Variants in TOX4 observed in about 807,000 individuals in gnomAD.
The protein encoded by TOX4 is epidermal Langerhans cell protein LCP1.
TOX4 carries 12 observed loss-of-function variants against 61.0 expected under a neutral mutation model. That is an observed-to-expected ratio of 0.20 (90% confidence interval 0.13 to 0.32). The LOEUF is 0.32. Among genes scored for constraint, TOX4 ranks in the 10% least tolerant of loss-of-function variants. The probability of loss-of-function intolerance (pLI) is 1.00; values close to 1 mark genes in which losing one functional copy is unlikely to be tolerated. For missense variants in TOX4, 499 were observed against 753.3 expected (o/e 0.66, Z 3.95); for synonymous variants, 268 against 274.8 (o/e 0.98, Z 0.24).
chr14:21,489,752 T>C (rs1375325659), intron 5 of TOX4, among the ~76,000 whole-genome samples: 1 of 152,008 alleles, frequency 6.6e-6, no homozygotes, highest in Non-Finnish European at 1.5e-5. Flanking sequence ...TAATTTTGTT[T>C]TTGTATTTTT....
chr14:21,489,049 AATGTCTTTTAATGCTATTTCT>A (rs1298725180), intron 4 of TOX4, 103 bp from the exon 5 acceptor site: 1 of 1,230,912 alleles, frequency 8.1e-7, no homozygotes, highest in Non-Finnish European at 1.1e-6. Flanking sequence ...ATATTTGACT[AATGTCTTTTAATGCTATTTCT>A]ATGATTTTTA....
chr14:21,480,103 T>C (rs1891082654), intron 2 of TOX4, among the ~76,000 whole-genome samples: 1 of 152,108 alleles, frequency 6.6e-6, no homozygotes, highest in Admixed American at 6.6e-5. Context: ...AAAGTACTAG[T>C]ATTGTAGGTG....
Position 21,492,214 on chromosome 14 carries a change from A to G in TOX4, c.811-82A>G, listed in dbSNP as rs977158942. On this transcript the variant is annotated intron_variant, in intron 5 of 8. Coordinates refer to ENST00000448790, the MANE Select transcript of TOX4 (RefSeq NM_014828.4). Reference sequence around the variant, plus strand: ...ATTAGACTAAGATGAATTGTCATTCATTGATAAATAATACAGAACTATCAG... The same window carrying G: ...ATTAGACTAAGATGAATTGTCATTCGTTGATAAATAATACAGAACTATCAG... The G allele has an allele frequency of 1.6e-4, 211 of 1,291,934 alleles. 1 individual carries two copies. Among genetic ancestry groups the G allele is most frequent in the Non-Finnish European group, 2.1e-4 (192 of 918,574 alleles). 80.0% of individuals were successfully genotyped at this position (1,291,934 alleles called of 1,614,324 possible).
At position 21,484,601 on chromosome 14, in the gene TOX4, C is replaced by T. The variant is rs1268466251; in HGVS notation, c.76-2850C>T. Among the ~76,000 whole-genome samples, 6 of 102,576 alleles carry T rather than the reference C, an allele frequency of 5.8e-5. 3 individuals are homozygous for T. Among genetic ancestry groups the T allele is most frequent in the Non-Finnish European group, 1.3e-4 (6 of 47,152 alleles). The allele number at this position is 102,576 out of a possible 152,430, so 67.3% of individuals were successfully genotyped here. A position where few individuals can be genotyped will look rare whatever the true frequency, so the allele number is the denominator to read the frequency against. ...TTGACCTCAGGTGGTCCACCCACCTCGGCCTCCCAAAGTGCTGAGATTATA... is the reference window on the plus strand; with the variant it reads ...TTGACCTCAGGTGGTCCACCCACCTTGGCCTCCCAAAGTGCTGAGATTATA... On this transcript the variant is annotated intron_variant, in intron 2 of 8. Transcript: ENST00000448790.
chr14:21,498,553 T>C lies in TOX4; in HGVS notation c.*1947T>C. 2 of 624,228 alleles carry C rather than the reference T, an allele frequency of 3.2e-6. No individual in the cohort carries two copies. Among genetic ancestry groups the C allele is most frequent in the South Asian group, 4.2e-5 (2 of 48,110 alleles). The allele number at this position is 624,228 out of a possible 1,614,324, so 38.7% of individuals were successfully genotyped here. Reference sequence around the variant, plus strand: ...AGTTCAGAATTGGCATAGATTCTGGTGTTAAAATAGACTGGATCTGTATTA... The same window carrying C: ...AGTTCAGAATTGGCATAGATTCTGGCGTTAAAATAGACTGGATCTGTATTA... On this transcript the variant is annotated 3_prime_UTR_variant, in exon 9 of 9. Coordinates refer to ENST00000448790, the MANE Select transcript of TOX4 (RefSeq NM_014828.4).
chr14:21,488,183 T>C, intron 3 of TOX4: 1 of 188,914 alleles, frequency 5.3e-6, no homozygotes, highest in East Asian at 1.4e-4. Context: ...TACTCTATAT[T>C]TGATGCCAGA....
chr14:21,494,006 C>T (rs984427541), intron 7 of TOX4, among the ~76,000 whole-genome samples: 31 of 152,164 alleles, frequency 2.0e-4, no homozygotes, highest in Non-Finnish European at 3.4e-4. Flanking sequence ...GCTTCGGCCT[C>T]CCAGAGTGCA....
At chr14:21,486,248 A>G (rs1891189211) in intron 2 of TOX4, among the ~76,000 whole-genome samples, 1 of 106,644 alleles carries the variant, frequency 9.4e-6, no homozygotes, top group African/African-American at 3.5e-5. Context: ...AAATGTTGGT[A>G]CCTATTGAAT....
intron 7 of TOX4, among the ~76,000 whole-genome samples, chr14:21,494,595 A>G (rs1382740995): frequency 2.0e-5 from 3 of 152,110 alleles, no homozygotes; most frequent in Non-Finnish European, 2.9e-5. Context: ...AAAAATACAA[A>G]AAAAATTAGC....
Position 21,499,156 on chromosome 14 carries a change from C to T in TOX4, c.*2550C>T. 2.5e-6 allele frequency: 4 copies of T among 1,603,870 alleles called. No individual in the cohort carries two copies. Among genetic ancestry groups the T allele is most frequent in the Non-Finnish European group, 2.6e-6 (3 of 1,170,722 alleles). On this transcript the variant is annotated 3_prime_UTR_variant, in exon 9 of 9. Coordinates refer to ENST00000448790, the MANE Select transcript of TOX4 (RefSeq NM_014828.4). ...AACGAACCTAGGAAATAAAAACTAG[C>T]TGCTTTTTAAGTTACACAAGATTGC...
intron 2 of TOX4, among the ~76,000 whole-genome samples, chr14:21,486,073 A>T (rs1298812586): frequency 9.7e-6 from 1 of 103,576 alleles, no homozygotes; most frequent in Non-Finnish European, 2.1e-5. Flanking sequence ...GTGGTGGCAC[A>T]TACCTGTAGT....
chr14:21,477,620 G>C (rs760158952), intron 2 of TOX4, 56 bp downstream of exon 2: 31 of 1,594,744 alleles, frequency 1.9e-5, no homozygotes, highest in African/African-American at 2.7e-5. Flanking sequence ...GGTGGGGTAG[G>C]GTAGTGGGGA....
In TOX4 at chr14:21,496,706, C is replaced by T; in HGVS notation, c.*100C>T. On this transcript the variant is annotated 3_prime_UTR_variant, in exon 9 of 9. Coordinates refer to ENST00000448790, the MANE Select transcript of TOX4 (RefSeq NM_014828.4). ...CTGGGCTTCTGGTAGTGCCTCATCA[C>T]AACCCATGATGGCTGTTCATGTTTC... 1.9e-6 allele frequency: 2 copies of T among 1,026,550 alleles called. No individual in the cohort carries two copies. The highest frequency in any genetic ancestry group is 3.7e-5 in the Admixed American group (2 of 54,564). 63.6% of individuals were successfully genotyped at this position (1,026,550 alleles called of 1,614,324 possible). A position where few individuals can be genotyped will look rare whatever the true frequency, so the allele number is the denominator to read the frequency against.
At position 21,498,711 on chromosome 14, in the gene TOX4, A is replaced by C. The variant is rs1348778176; in HGVS notation, c.*2105A>C. Reference sequence around the variant, plus strand: ...TAAGGGGTGAAAGATGTAATTATTGACAGATTAAATAGATAACTTCGTAAC... The same window carrying C: ...TAAGGGGTGAAAGATGTAATTATTGCCAGATTAAATAGATAACTTCGTAAC... On this transcript the variant is annotated 3_prime_UTR_variant, in exon 9 of 9. Coordinates refer to ENST00000448790, the MANE Select transcript of TOX4 (RefSeq NM_014828.4). 2.2e-6 allele frequency: 1 copy of C among 462,996 alleles called. No homozygotes were observed. Among genetic ancestry groups the C allele is most frequent in the Non-Finnish European group, 3.9e-6 (1 of 258,940 alleles). 28.7% of individuals were successfully genotyped at this position (462,996 alleles called of 1,614,324 possible). A position where few individuals can be genotyped will look rare whatever the true frequency, so the allele number is the denominator to read the frequency against.
chr14:21,494,965 G>A (rs1380558081), intron 7 of TOX4, among the ~76,000 whole-genome samples: 2 of 143,580 alleles, frequency 1.4e-5, no homozygotes, highest in East Asian at 4.0e-4. Context: ...TGCTTGACTA[G>A]CCAGGCTTAA....
chr14:21,477,658 C>A (rs768613617), intron 2 of TOX4, 94 bp downstream of exon 2: 620 of 1,433,122 alleles, frequency 4.3e-4, no homozygotes, highest in Non-Finnish European at 5.0e-4. Flanking sequence ...GGGACGGGGG[C>A]TGGGAACCAA....
intron 2 of TOX4, among the ~76,000 whole-genome samples, chr14:21,481,512 G>GT (rs1365238461): frequency 1.3e-5 from 2 of 152,258 alleles, no homozygotes; most frequent in East Asian, 3.9e-4. Context: ...TAGTGAGAGT[G>GT]TAAGTTAATT....
Position 21,498,476 on chromosome 14 carries a change from A to G in TOX4, c.*1870A>G. ...AAGACTGCCTATCATCATATCAAAT[A>G]TGCCAATTCTAAAAAGAGCTTAACA... On this transcript the variant is annotated 3_prime_UTR_variant, in exon 9 of 9. Coordinates refer to ENST00000448790, the MANE Select transcript of TOX4 (RefSeq NM_014828.4). 1 of 1,012,744 alleles carries G rather than the reference A, an allele frequency of 9.9e-7. No homozygotes were observed. Among genetic ancestry groups the G allele is most frequent in the East Asian group, 2.4e-5 (1 of 40,866 alleles). The allele number at this position is 1,012,744 out of a possible 1,614,324, so 62.7% of individuals were successfully genotyped here.
intron 8 of TOX4, 62 bp downstream of exon 8, chr14:21,495,454 GA>G: frequency 1.3e-6 from 2 of 1,547,814 alleles, no homozygotes; most frequent in Non-Finnish European, 1.8e-6. Flanking sequence ...GGAAACATAG[GA>G]ATCTTGAGCA....
Sources: allele counts gnomAD v4.1 joint callset (sites outside exome capture counted in the v4.1 genomes callset), GRCh38; gene constraint gnomAD v4.1.1; transcripts MANE v1.5; gene names NCBI Gene and HGNC (gene_info 2026-07-23, HGNC 2026-07-21).